The following NLGN4Y variants were observed in gnomAD, a reference collection of about 807,000 sequenced individuals.
The protein encoded by NLGN4Y is neuroligin 4 Y-linked.
Under a neutral mutation model 8.4 loss-of-function variants are expected in NLGN4Y, and 4 were observed. That is an observed-to-expected ratio of 0.48 (90% CI 0.23 to 1.09). The LOEUF (loss-of-function observed/expected upper bound fraction) is 1.09. Ranked by LOEUF, NLGN4Y falls within the 50% of genes least tolerant of loss-of-function variation. The probability of loss-of-function intolerance (pLI) is 0.19; values close to 1 mark genes in which losing one functional copy is unlikely to be tolerated. For missense variants in NLGN4Y, 90 were observed against 192.3 expected (o/e 0.47, Z 3.15); for synonymous variants, 35 against 75.6 (o/e 0.46, Z 2.78).
intron 1 of NLGN4Y, among the ~76,000 whole-genome samples, chrY:14,551,419 G>A: frequency 3.0e-5 from 1 of 33,048 alleles, no homozygotes; most frequent in Non-Finnish European, 7.4e-5. Flanking sequence ...ACTCAACTCT[G>A]GATGAAGTGG....
intron 2 of NLGN4Y, chrY:14,639,654 A>G: frequency 1.2e-5 from 2 of 167,836 alleles, no homozygotes; most frequent in South Asian, 7.1e-5. Flanking sequence ...GAAAGGAAAG[A>G]CAGTTCCACT....
chrY:14,722,235 T>C, intron 3 of NLGN4Y, among the ~76,000 whole-genome samples: 1 of 33,064 alleles, frequency 3.0e-5, no homozygotes, highest in African/African-American at 1.2e-4. Context: ...TTTTTAACTA[T>C]AGCTTTTCCT....
At chrY:14,541,349 G>A (rs933379909) in intron 1 of NLGN4Y, among the ~76,000 whole-genome samples, 1 of 33,516 alleles carries the variant, frequency 3.0e-5, no homozygotes, top group Non-Finnish European at 7.4e-5. Context: ...TGAAAGTGAC[G>A]GGGAGAATGG....
At chrY:14,664,067 A>G (rs1025429834) in intron 2 of NLGN4Y, among the ~76,000 whole-genome samples, 5 of 32,315 alleles carry the variant, frequency 1.5e-4, no homozygotes, top group African/African-American at 6.1e-4. Context: ...TTCATGGTAT[A>G]CTTGTTTGCC....
chrY:14,661,183 C>T, intron 2 of NLGN4Y, among the ~76,000 whole-genome samples: 1 of 33,803 alleles, frequency 3.0e-5, no homozygotes, highest in Non-Finnish European at 7.3e-5. Context: ...GAATCATGTC[C>T]TTTGCAGCAA....
intron 4 of NLGN4Y, among the ~76,000 whole-genome samples, chrY:14,782,254 T>C: frequency 3.0e-5 from 1 of 33,333 alleles, no homozygotes; most frequent in African/African-American, 1.2e-4. Context: ...GTGTGATAGA[T>C]AGAAATGGAT....
intron 2 of NLGN4Y, among the ~76,000 whole-genome samples, chrY:14,685,550 T>C: frequency 6.0e-5 from 2 of 33,081 alleles, no homozygotes; most frequent in Non-Finnish European, 1.5e-4. Flanking sequence ...TGTCTCATGA[T>C]TGCATTGCCT....
chrY:14,522,855 T>C, upstream of NLGN4Y: 1 of 33,410 alleles, frequency 3.0e-5, no homozygotes, highest in Non-Finnish European at 7.4e-5. Context: ...TACATCCTCC[T>C]GAATCATACT....
At chrY:14,611,527 C>G (rs2080468934) in intron 1 of NLGN4Y, among the ~76,000 whole-genome samples, 1 of 27,497 alleles carries the variant, frequency 3.6e-5, no homozygotes, top group Admixed American at 3.6e-4. Flanking sequence ...CTTAGTTTGT[C>G]TGGATGTGAA....
At chrY:14,538,750 T>A (rs2080140232) in intron 1 of NLGN4Y, among the ~76,000 whole-genome samples, 1 of 33,317 alleles carries the variant, frequency 3.0e-5, no homozygotes, top group Non-Finnish European at 7.4e-5. Flanking sequence ...TTGTCTGTGA[T>A]GGGAACTTTG....
chrY:14,810,774 T>G, intron 4 of NLGN4Y, among the ~76,000 whole-genome samples: 1 of 33,093 alleles, frequency 3.0e-5, no homozygotes, highest in Non-Finnish European at 7.4e-5. Context: ...TATAGATACA[T>G]GTAGGTGGAC....
chrY:14,650,227 T>C, intron 2 of NLGN4Y, among the ~76,000 whole-genome samples: 1 of 32,421 alleles, frequency 3.1e-5, no homozygotes, highest in African/African-American at 1.2e-4. Context: ...TGGTGCACCA[T>C]GTGGTCCCAG....
chrY:14,658,320 TG>T (rs2080661912), intron 2 of NLGN4Y, among the ~76,000 whole-genome samples: 2 of 33,959 alleles, frequency 5.9e-5, no homozygotes, highest in Admixed American at 5.4e-4. Context: ...TCAATGTATT[TG>T]TTCATAACTC....
chrY:14,560,996 A>T, intron 1 of NLGN4Y, among the ~76,000 whole-genome samples: 1 of 33,153 alleles, frequency 3.0e-5, no homozygotes, highest in Non-Finnish European at 7.5e-5. Flanking sequence ...GGGCATGAAA[A>T]CATCTGGATT....
At chrY:14,803,060 T>C in intron 4 of NLGN4Y, among the ~76,000 whole-genome samples, 1 of 23,063 alleles carries the variant, frequency 4.3e-5, no homozygotes, top group Non-Finnish European at 8.7e-5. Context: ...TATAATATAA[T>C]ATGTATTGTA....
chrY:14,689,592 G>A, intron 2 of NLGN4Y, among the ~76,000 whole-genome samples: 2 of 32,762 alleles, frequency 6.1e-5, no homozygotes, highest in African/African-American at 2.4e-4. Context: ...CACAGAAGAT[G>A]GGAATGTTAT....
At chrY:14,792,851 A>AGTGTGTGTGTGT (rs1569375425) in intron 4 of NLGN4Y, among the ~76,000 whole-genome samples, 1 of 9,098 alleles carries the variant, frequency 1.1e-4, no homozygotes, top group African/African-American at 5.6e-4. Context: ...AGAGAGAGAG[A>AGTGTGTGTGTGT]GTGTGTGTGT....
chrY:14,775,305 T>A, intron 4 of NLGN4Y, among the ~76,000 whole-genome samples: 2 of 33,125 alleles, frequency 6.0e-5, no homozygotes, highest in African/African-American at 1.2e-4. Context: ...TATCAGTAAC[T>A]ATCATTTGTT....
intron 4 of NLGN4Y, among the ~76,000 whole-genome samples, chrY:14,801,792 CAT>C (rs2043033776): frequency 6.2e-5 from 2 of 32,508 alleles, no homozygotes; most frequent in Admixed American, 2.9e-4. Flanking sequence ...CAGATACTTC[CAT>C]TACGTGTGGC....
Sources: gnomAD v4.1 joint callset for allele counts (sites outside exome capture counted in the v4.1 genomes callset) on GRCh38, gnomAD v4.1.1 for gene constraint, MANE v1.5 for transcripts, NCBI Gene and HGNC (gene_info 2026-07-23, HGNC 2026-07-21) for gene names.